Variants in CLYBL observed in about 807,000 individuals in gnomAD.
The protein encoded by CLYBL is citramalyl-CoA lyase, mitochondrial.
CLYBL carries 31 observed loss-of-function variants against 38.9 expected under a neutral mutation model. That is an observed-to-expected ratio of 0.80 (90% CI 0.60 to 1.08). The LOEUF (loss-of-function observed/expected upper bound fraction) is 1.08, where lower values mean the gene tolerates loss of function less well. Among genes scored for constraint, CLYBL ranks in the 50% least tolerant of loss-of-function variants. The pLI is 0.00. For missense variants in CLYBL, 434 were observed against 411.6 expected (o/e 1.05, Z -0.47); for synonymous variants, 171 against 158.6 (o/e 1.08, Z -0.59).
intron 9 of CLYBL, among the ~76,000 whole-genome samples, chr13:99,906,093 G>T (rs1037343555): frequency 6.6e-6 from 1 of 152,120 alleles, no homozygotes; most frequent in African/African-American, 2.4e-5. Flanking sequence ...ATGTTTAATG[G>T]CAAAAGGGAA....
intron 1 of CLYBL, among the ~76,000 whole-genome samples, chr13:99,737,665 T>C (rs2048689429): frequency 6.6e-6 from 1 of 152,188 alleles, no homozygotes; most frequent in Non-Finnish European, 1.5e-5. Flanking sequence ...ATCACTATGC[T>C]TTCCCCTCCT....
At chr13:99,815,881 AAAT>A (rs977390070) in intron 2 of CLYBL, among the ~76,000 whole-genome samples, 2 of 152,164 alleles carry the variant, frequency 1.3e-5, no homozygotes, top group South Asian at 2.1e-4. Flanking sequence ...CCTGTCTCAA[AAAT>A]AATAATAATT....
chr13:99,851,647 C>T (rs2051335514), intron 2 of CLYBL, among the ~76,000 whole-genome samples: 2 of 151,926 alleles, frequency 1.3e-5, no homozygotes, highest in South Asian at 4.2e-4. Context: ...TTGGTGATAC[C>T]CACGAGGATG....
At chr13:99,763,548 C>CTT (rs59409196) in intron 1 of CLYBL, among the ~76,000 whole-genome samples, 64 of 116,114 alleles carry the variant, frequency 5.5e-4, no homozygotes, top group African/African-American at 1.9e-3. Flanking sequence ...TCTTTTTATT[C>CTT]TTTTTTTTTT....
At chr13:99,710,881 C>CTTTTTT (rs748011707) in intron 1 of CLYBL, among the ~76,000 whole-genome samples, 3 of 83,872 alleles carry the variant, frequency 3.6e-5, no homozygotes, top group Non-Finnish European at 4.3e-5. Flanking sequence ...TTTCTAACCC[C>CTTTTTT]TTTTTTTTTT....
chr13:99,829,453 A>C (rs2050762236), intron 2 of CLYBL, among the ~76,000 whole-genome samples: 1 of 152,192 alleles, frequency 6.6e-6, no homozygotes, highest in South Asian at 2.1e-4. Context: ...TCTCATGTAC[A>C]AGTAGCTAGT....
chr13:99,607,991 C>G (rs2046555804), intron 1 of CLYBL, among the ~76,000 whole-genome samples: 2 of 151,712 alleles, frequency 1.3e-5, no homozygotes, highest in Non-Finnish European at 2.9e-5. Context: ...GGGGTCCACC[C>G]GGATCAGCCT....
In CLYBL at chr13:99,726,917, G is replaced by A. The variant is rs144732877; in HGVS notation, c.63-45907G>A. 5.3e-3 allele frequency among the ~76,000 whole-genome samples: 811 copies of A among 152,268 alleles called. 5 individuals carry two copies. Among genetic ancestry groups the A allele is most frequent in the African/African-American group, 0.019 (778 of 41,550 alleles). On this transcript the variant is annotated intron_variant, in intron 1 of 8. Coordinates refer to ENST00000339105, the MANE Select transcript of CLYBL (RefSeq NM_206808.5). ...CTCACGCCTGTAATCCCATCACTTTGGGAGGCTGAGGCGGGCAGATCACCT... is the reference window on the plus strand; with the variant it reads ...CTCACGCCTGTAATCCCATCACTTTAGGAGGCTGAGGCGGGCAGATCACCT...
intron 1 of CLYBL, among the ~76,000 whole-genome samples, chr13:99,657,357 G>A (rs2047344015): frequency 6.6e-6 from 1 of 152,228 alleles, no homozygotes; most frequent in Admixed American, 6.5e-5. Context: ...GCTGTATAGA[G>A]CAAAACAAAA....
rs147689591 is a variant in CLYBL at position 99,705,213 on chromosome 13, G to A, written c.63-67611G>A. Among the ~76,000 whole-genome samples, 347 of 152,108 alleles carry A rather than the reference G, an allele frequency of 2.3e-3. 2 individuals carry two copies. Among genetic ancestry groups the A allele is most frequent in the African/African-American group, 7.9e-3 (327 of 41,482 alleles). On this transcript the variant is annotated intron_variant, in intron 1 of 8. Transcript: ENST00000339105. ...GCAACCCAGGTGTCCATCGACAGGT[G>A]AATGGGTAACTACAATGTGGTGTAC... is the stretch of plus-strand genomic sequence containing the variant.
At chr13:99,842,665 T>C (rs1594215702) in intron 2 of CLYBL, among the ~76,000 whole-genome samples, 2 of 151,888 alleles carry the variant, frequency 1.3e-5, no homozygotes, top group South Asian at 4.2e-4. Context: ...CAACCCCAAG[T>C]GGGTGTGCAC....
chr13:99,626,269 A>C (rs906120457), intron 1 of CLYBL, among the ~76,000 whole-genome samples: 2 of 152,176 alleles, frequency 1.3e-5, no homozygotes, highest in Non-Finnish European at 1.5e-5. Context: ...CAGGCCCGGT[A>C]GGGGAGTTAT....
At chr13:99,619,903 G>A (rs2046767963) in intron 1 of CLYBL, among the ~76,000 whole-genome samples, 1 of 152,172 alleles carries the variant, frequency 6.6e-6, no homozygotes, top group Non-Finnish European at 1.5e-5. Flanking sequence ...AGCTCAATTT[G>A]ACCAGAGATT....
At chr13:99,617,430 C>G (rs2046728512) in intron 1 of CLYBL, among the ~76,000 whole-genome samples, 1 of 152,182 alleles carries the variant, frequency 6.6e-6, no homozygotes, top group Non-Finnish European at 1.5e-5. Flanking sequence ...GACTTGTCTT[C>G]TTACTTAGTC....
At position 99,617,292 on chromosome 13, in the gene CLYBL, T is replaced by C. The variant is rs192346597; in HGVS notation, c.62+10535T>C. Among the ~76,000 whole-genome samples the C allele has an allele frequency of 3.3e-5, 5 of 152,264 alleles. No individual in the cohort carries two copies. In the East Asian group the frequency reaches 9.6e-4, roughly 29 times the overall value. On this transcript the variant is annotated intron_variant, in intron 1 of 8. Coordinates refer to ENST00000339105, the MANE Select transcript of CLYBL (RefSeq NM_206808.5). ...CAGTTCACGCTAAAAATTGGCACTT[T>C]TTTTTTTCCTAATAAGGGCCTCTCT...
At chr13:99,719,415 G>A (rs758858226) in intron 1 of CLYBL, among the ~76,000 whole-genome samples, 1 of 152,024 alleles carries the variant, frequency 6.6e-6, no homozygotes, top group Non-Finnish European at 1.5e-5. Flanking sequence ...GCCTCCCAAA[G>A]TGCTGGGATT....
At chr13:99,769,780 A>G (rs929876565) in intron 1 of CLYBL, among the ~76,000 whole-genome samples, 4 of 152,116 alleles carry the variant, frequency 2.6e-5, no homozygotes, top group African/African-American at 9.7e-5. Flanking sequence ...TAAGACCCAG[A>G]CTCAAGTTTT....
intron 2 of CLYBL, among the ~76,000 whole-genome samples, chr13:99,811,551 G>T (rs934056015): frequency 1.3e-5 from 2 of 152,146 alleles, no homozygotes; most frequent in African/African-American, 4.8e-5. Flanking sequence ...GCTGAGAAGC[G>T]GCTGGAGCCA....
At chr13:99,622,361 A>G (rs1439282533) in intron 1 of CLYBL, among the ~76,000 whole-genome samples, 1 of 152,188 alleles carries the variant, frequency 6.6e-6, no homozygotes, top group Non-Finnish European at 1.5e-5. Context: ...TCTTGGAATG[A>G]CCATCTAATG....
Sources: allele counts gnomAD v4.1 joint callset (sites outside exome capture counted in the v4.1 genomes callset), GRCh38; gene constraint gnomAD v4.1.1; transcripts MANE v1.5; gene names NCBI Gene and HGNC (gene_info 2026-07-23, HGNC 2026-07-21).